PEAK1: variants seen among roughly 807,000 people sequenced by gnomAD.
PEAK1 encodes the protein pseudopodium enriched atypical kinase 1, also known as inactive tyrosine-protein kinase PEAK1.
PEAK1 carries 54 observed loss-of-function variants against 124.7 expected under a neutral mutation model. The observed-to-expected ratio is 0.43, with a 90% CI of 0.35 to 0.54. PEAK1 has a LOEUF of 0.54. Among genes scored for constraint, PEAK1 ranks in the 20% least tolerant of loss-of-function variants. PEAK1 has a pLI of 0.01. For synonymous variants in PEAK1, 719 were observed against 760.0 expected (o/e 0.95, Z 0.89); for missense variants, 2,046 against 2,134.5 (o/e 0.96, Z 0.82).
chr15:77,114,773 T>C lies in PEAK1; in HGVS notation c.4624A>G (p.Ser1542Gly). ...CTAGTGGGATAAGATGAGGTGGGGCTGGGCTCTGCAGGCCCAAAGCCTTGG... is the reference window on the plus strand; with the variant it reads ...CTAGTGGGATAAGATGAGGTGGGGCCGGGCTCTGCAGGCCCAAAGCCTTGG... ...TAQGFGPAEP[S>G]PTSSYPTRLI... The change falls in exon 10 of 10, where the codon AGC becomes GGC. Residue 1542 changes from serine to glycine, a missense_variant. Physicochemically the swap from Ser to Gly is moderately conservative, Grantham distance 56. Transcript: ENST00000682557. The C allele has an allele frequency of 1.2e-6, 2 of 1,612,378 alleles. No homozygotes were observed. The highest frequency in any genetic ancestry group is 1.1e-5 in the South Asian group (1 of 91,038).
chr15:77,212,989 G>T lies in PEAK1; in HGVS notation c.-114-30949C>A, dbSNP rs561164698. Among the ~76,000 whole-genome samples the T allele has an allele frequency of 7.7e-4, 117 of 151,952 alleles. 1 individual carries two copies. Among genetic ancestry groups the T allele is most frequent in the Non-Finnish European group, 9.3e-4 (63 of 67,954 alleles). On this transcript the variant is annotated intron_variant, in intron 6 of 9. Transcript: ENST00000682557. ...ATTAGCAATAAACATCTTTTTAAAG[G>T]AACACATAAGCTTGAAATCTGAAAA... is the stretch of plus-strand genomic sequence containing the variant.
chr15:77,289,081 G>GT (rs2063080301), intron 2 of PEAK1, among the ~76,000 whole-genome samples: 1 of 152,098 alleles, frequency 6.6e-6, no homozygotes, highest in African/African-American at 2.4e-5. Context: ...AAGAGCCTTA[G>GT]ATACTATAAC....
At chr15:77,140,927 T>G (rs2053733002) in intron 8 of PEAK1, among the ~76,000 whole-genome samples, 2 of 152,046 alleles carry the variant, frequency 1.3e-5, no homozygotes. Flanking sequence ...GGTCTCAAAC[T>G]CCTGAGCTCA....
chr15:77,289,976 CTTTTTTTTTTGAGACGGAGTCTCA>C (rs1209602041), intron 2 of PEAK1, among the ~76,000 whole-genome samples: 1 of 149,798 alleles, frequency 6.7e-6, no homozygotes, highest in Non-Finnish European at 1.5e-5. Flanking sequence ...TATAATTACT[CTTTTTTTTTTGAGACGGAGTCTCA>C]TTCTGTTGCC....
chr15:77,229,274 T>C (rs1195091865), intron 6 of PEAK1, among the ~76,000 whole-genome samples: 5 of 152,306 alleles, frequency 3.3e-5, no homozygotes, highest in African/African-American at 9.6e-5. Context: ...ATGTGGCTAG[T>C]AATAACCTGC....
intron 2 of PEAK1, chr15:77,347,816 C>G: frequency 2.0e-6 from 2 of 984,932 alleles, no homozygotes; most frequent in Non-Finnish European, 2.4e-6. Context: ...CTATAGCAAG[C>G]ACAAAACAGT....
chr15:77,121,698 T>C (rs994260985), intron 9 of PEAK1, among the ~76,000 whole-genome samples: 4 of 152,196 alleles, frequency 2.6e-5, no homozygotes, highest in Non-Finnish European at 1.5e-5. Flanking sequence ...CTACATTAGC[T>C]CTGATTTTTC....
At chr15:77,229,735 C>T (rs1446589806) in intron 6 of PEAK1, among the ~76,000 whole-genome samples, 1 of 151,952 alleles carries the variant, frequency 6.6e-6, no homozygotes, top group African/African-American at 2.4e-5. Context: ...GCAACCTCTC[C>T]CTCCCGGATT....
At chr15:77,250,160 T>G (rs534814543) in intron 6 of PEAK1, among the ~76,000 whole-genome samples, 1 of 141,620 alleles carries the variant, frequency 7.1e-6, no homozygotes, top group Non-Finnish European at 1.5e-5. Flanking sequence ...TATATACATA[T>G]ATATACATAT....
At chr15:77,280,734 T>G (rs1023563417) in intron 5 of PEAK1, among the ~76,000 whole-genome samples, 1 of 152,174 alleles carries the variant, frequency 6.6e-6, no homozygotes, top group African/African-American at 2.4e-5. Context: ...AATATTCTTC[T>G]TATTGGTTTT....
intron 1 of PEAK1, among the ~76,000 whole-genome samples, chr15:77,411,648 T>C (rs781746067): frequency 5.3e-5 from 8 of 152,170 alleles, no homozygotes; most frequent in Non-Finnish European, 8.8e-5. Context: ...CGATGTCACC[T>C]AGGCTAGAGA....
intron 1 of PEAK1, among the ~76,000 whole-genome samples, chr15:77,385,604 C>A (rs1467107473): frequency 6.6e-6 from 1 of 152,098 alleles, no homozygotes; most frequent in Non-Finnish European, 1.5e-5. Context: ...ACTTCGAGAC[C>A]CCTATAAGGA....
At chr15:77,140,913 G>A (rs902154831) in intron 8 of PEAK1, among the ~76,000 whole-genome samples, 2 of 152,030 alleles carry the variant, frequency 1.3e-5, no homozygotes, top group African/African-American at 4.8e-5. Flanking sequence ...ATGTTGCTCA[G>A]GCTGGTCTCA....
intron 8 of PEAK1, among the ~76,000 whole-genome samples, chr15:77,147,056 G>T (rs1332412675): frequency 1.3e-5 from 2 of 152,152 alleles, no homozygotes. Context: ...TAAGTAAAAT[G>T]AGAAAATGTG....
At chr15:77,303,826 T>C (rs1400971868) in intron 2 of PEAK1, among the ~76,000 whole-genome samples, 1 of 152,224 alleles carries the variant, frequency 6.6e-6, no homozygotes, top group Non-Finnish European at 1.5e-5. Flanking sequence ...CAGTATCATA[T>C]ATGTTTTCCT....
At chr15:77,226,054 T>TA (rs1490640978) in intron 6 of PEAK1, among the ~76,000 whole-genome samples, 6 of 22,804 alleles carry the variant, frequency 2.6e-4, no homozygotes, top group Admixed American at 1.9e-3. Context: ...GATATATATA[T>TA]ATATATATAT....
chr15:77,392,076 C>T (rs2070509966), intron 1 of PEAK1, among the ~76,000 whole-genome samples: 1 of 152,194 alleles, frequency 6.6e-6, no homozygotes, highest in Non-Finnish European at 1.5e-5. Context: ...TTGAAATTAA[C>T]TTCCTGGGCA....
intron 5 of PEAK1, among the ~76,000 whole-genome samples, chr15:77,258,518 GCT>G (rs1420227863): frequency 6.6e-6 from 1 of 151,958 alleles, no homozygotes; most frequent in South Asian, 2.1e-4. Context: ...TCATGATTTG[GCT>G]CTCTGTTTGT....
At chr15:77,386,594 A>G (rs745665505) in intron 1 of PEAK1, among the ~76,000 whole-genome samples, 1 of 152,180 alleles carries the variant, frequency 6.6e-6, no homozygotes, top group Non-Finnish European at 1.5e-5. Flanking sequence ...GCTATGGAAC[A>G]AACACCTCTT....
Sources: gnomAD v4.1 joint callset for allele counts (sites outside exome capture counted in the v4.1 genomes callset) on GRCh38, gnomAD v4.1.1 for gene constraint, MANE v1.5 for transcripts, NCBI Gene and HGNC (gene_info 2026-07-23, HGNC 2026-07-21) for gene names.